Variants in YIPF7 observed in about 807,000 individuals in gnomAD.
The protein encoded by YIPF7 is protein YIPF7.
Under a neutral mutation model 27.2 loss-of-function variants are expected in YIPF7, and 35 were observed. That is an observed-to-expected ratio of 1.29 (90% CI 0.98 to 1.70). The LOEUF (loss-of-function observed/expected upper bound fraction) is 1.70. YIPF7 is among the 40% of genes most tolerant of loss of function. YIPF7 has a pLI of 0.00. For missense variants in YIPF7, 358 were observed against 303.7 expected (o/e 1.18, Z -1.33); for synonymous variants, 137 against 110.4 (o/e 1.24, Z -1.51).
At chr4:44,661,583 A>ATG (rs1714041437) in intron 1 of YIPF7, among the ~76,000 whole-genome samples, 2 of 151,968 alleles carry the variant, frequency 1.3e-5, no homozygotes, top group Non-Finnish European at 2.9e-5. Context: ...TTGTTGCAAT[A>ATG]TGCATTTGTC....
chr4:44,642,900 T>A (rs1386581613), intron 2 of YIPF7, among the ~76,000 whole-genome samples: 2 of 152,190 alleles, frequency 1.3e-5, no homozygotes, highest in Non-Finnish European at 2.9e-5. Flanking sequence ...CTTTTCTTTA[T>A]AAATTATCCA....
rs564198643 is a variant in YIPF7, at chr4:44,636,029, A to C, written c.173T>G (p.Met58Arg). 1 of 1,613,908 alleles carries C rather than the reference A, an allele frequency of 6.2e-7. No homozygotes were observed. The highest frequency in any genetic ancestry group is 1.3e-5 in the African/African-American group (1 of 75,070). ...PASFVPSEMLMSSGYAGQFFQ... is the reference protein window; with the variant it reads ...PASFVPSEMLRSSGYAGQFFQ... ...AAATTGTCCTGCGTAACCCGATGAC[A>C]TGAGCATCTCTGATGGAACAAAGGA... The change falls in exon 3 of 6, where the codon ATG becomes AGG. Residue 58 changes from methionine to arginine, a missense_variant. Transcript: ENST00000415895.
chr4:44,661,017 T>C (rs1395866308), intron 1 of YIPF7, among the ~76,000 whole-genome samples: 2 of 152,130 alleles, frequency 1.3e-5, no homozygotes, highest in Non-Finnish European at 2.9e-5. Context: ...ATAAGGAGAC[T>C]AAAATACAAA....
chr4:44,623,038 G>A (rs1712496375), intron 5 of YIPF7, among the ~76,000 whole-genome samples: 1 of 152,158 alleles, frequency 6.6e-6, no homozygotes. Context: ...TCAGGTTTTT[G>A]TCGGACGTCA....
upstream of YIPF7, among the ~76,000 whole-genome samples, chr4:44,655,228 T>A (rs955292294): frequency 6.6e-6 from 1 of 152,072 alleles, no homozygotes; most frequent in African/African-American, 2.4e-5. Context: ...ATACTCAGAA[T>A]CCAATATTTT....
chr4:44,652,269 C>A (rs1267446873), upstream of YIPF7, among the ~76,000 whole-genome samples: 11 of 152,162 alleles, frequency 7.2e-5, no homozygotes, highest in Admixed American at 7.2e-4. Flanking sequence ...CTCTGTATCA[C>A]TGGGTCACTG....
Position 44,648,081 on chromosome 4 carries a change from C to T in YIPF7, c.116+1904G>A, listed in dbSNP as rs964568676. Among the ~76,000 whole-genome samples, 5 of 152,062 alleles carry T rather than the reference C, an allele frequency of 3.3e-5. No homozygotes were observed. In the East Asian group the frequency reaches 7.7e-4, roughly 23 times the overall value. On this transcript the variant is annotated intron_variant, in intron 2 of 5. Transcript: ENST00000415895. ...CTAGTTATAGCACTAATCAAACAAC[C>T]TTGAGCTAAAATCCTAACCCCATTT...
At chr4:44,639,929 T>A (rs1051245028) in intron 2 of YIPF7, among the ~76,000 whole-genome samples, 1 of 152,236 alleles carries the variant, frequency 6.6e-6, no homozygotes, top group Admixed American at 6.5e-5. Flanking sequence ...CAAATGCTTT[T>A]CTGCATCCAT....
At chr4:44,636,201 TG>T in intron 2 of YIPF7, 116 bp from the exon 3 acceptor site, 1 of 1,091,436 alleles carries the variant, frequency 9.2e-7, no homozygotes, top group Non-Finnish European at 1.2e-6. Context: ...TATTTACTCA[TG>T]AAAGAAACAA....
At position 44,651,534 on chromosome 4, in the gene YIPF7, T is replaced by C. The variant is rs769608907; in HGVS notation, c.-2+20A>G. ...TATTTTGTTTAAATGCCAAGTCTTTTAGAAGGATCAGACACATACCTCTGT... is the reference window on the plus strand; with the variant it reads ...TATTTTGTTTAAATGCCAAGTCTTTCAGAAGGATCAGACACATACCTCTGT... On this transcript the variant is annotated intron_variant, in intron 1 of 5. Transcript: ENST00000415895. The C allele has an allele frequency of 1.4e-5, 22 of 1,537,138 alleles. No individual in the cohort carries two copies. In the South Asian group the frequency reaches 2.6e-4, roughly 18 times the overall value.
intron 2 of YIPF7, among the ~76,000 whole-genome samples, chr4:44,648,646 C>A (rs1713611949): frequency 3.3e-5 from 5 of 152,088 alleles, no homozygotes; most frequent in Admixed American, 3.3e-4. Context: ...ACTTCAGTGA[C>A]TTTAGGTAAC....
rs1701118693 is a variant in YIPF7 at position 44,645,192 on chromosome 4, GT to G, written c.116+4792del. ...AATAACCCAATTCTTATGTTTTAGG[GT>G]TTTTTTCTAAAAATTTATATGAACA... On this transcript the variant is annotated intron_variant, in intron 2 of 5. Transcript: ENST00000415895. 2.0e-5 allele frequency among the ~76,000 whole-genome samples: 3 copies of G among 151,986 alleles called. No homozygotes were observed. The South Asian group carries it at 6.2e-4, about 32-fold the overall frequency.
chr4:44,623,878 A>G (rs184649385), intron 5 of YIPF7, among the ~76,000 whole-genome samples: 415 of 152,314 alleles, frequency 2.7e-3, no homozygotes, highest in African/African-American at 9.4e-3. Context: ...GAGAAAGAAT[A>G]GTTGTTTTCA....
chr4:44,650,248 G>C (rs1011312683), intron 1 of YIPF7, 147 bp from the exon 2 acceptor site: 32 of 665,252 alleles, frequency 4.8e-5, no homozygotes, highest in Non-Finnish European at 7.3e-5. Context: ...TAAAGTATTG[G>C]GGGAAGGGTA....
chr4:44,634,080 G>A (rs1446476351), intron 3 of YIPF7, among the ~76,000 whole-genome samples: 1 of 152,198 alleles, frequency 6.6e-6, no homozygotes, highest in South Asian at 2.1e-4. Context: ...AAAGGTCAAA[G>A]ATGGTTTCCT....
intron 2 of YIPF7, among the ~76,000 whole-genome samples, chr4:44,642,995 AC>A (rs1713389223): frequency 1.3e-5 from 2 of 152,192 alleles, no homozygotes. Context: ...CTATACAGAT[AC>A]TTGGAAATGT....
At chr4:44,646,709 A>G (rs1348179209) in intron 2 of YIPF7, among the ~76,000 whole-genome samples, 2 of 152,174 alleles carry the variant, frequency 1.3e-5, no homozygotes, top group Non-Finnish European at 2.9e-5. Context: ...TCACCGTCTT[A>G]GTGAGCACAG....
intron 2 of YIPF7, among the ~76,000 whole-genome samples, chr4:44,649,514 T>A (rs1000280675): frequency 4.6e-5 from 7 of 152,134 alleles, no homozygotes; most frequent in African/African-American, 1.7e-4. Flanking sequence ...TTAATGCTTA[T>A]AATCCAAACA....
chr4:44,625,712 A>G (rs1712612100), intron 4 of YIPF7, among the ~76,000 whole-genome samples: 1 of 152,226 alleles, frequency 6.6e-6, no homozygotes, highest in Non-Finnish European at 1.5e-5. Flanking sequence ...ACAAGCCCCA[A>G]TAAATTCATT....
Sources: allele counts gnomAD v4.1 joint callset (sites outside exome capture counted in the v4.1 genomes callset), GRCh38; gene constraint gnomAD v4.1.1; transcripts MANE v1.5; gene names NCBI Gene and HGNC (gene_info 2026-07-23, HGNC 2026-07-21).